CNTN4: variants seen among roughly 807,000 people sequenced by gnomAD.
CNTN4 encodes the protein contactin 4, also known as contactin-4.
In CNTN4, 77 loss-of-function variants were observed where a neutral mutation model predicts 122.5. That is an observed-to-expected ratio of 0.63 (90% confidence interval 0.52 to 0.76). The LOEUF (loss-of-function observed/expected upper bound fraction) is 0.76, where lower values mean the gene tolerates loss of function less well. Ranked by LOEUF, CNTN4 falls within the 30% of genes least tolerant of loss-of-function variation. The probability of loss-of-function intolerance (pLI) is 0.00; values close to 1 mark genes in which losing one functional copy is unlikely to be tolerated. For missense variants in CNTN4, 1,256 were observed against 1,259.1 expected (o/e 1.00, Z 0.04); for synonymous variants, 512 against 447.0 (o/e 1.15, Z -1.83).
At chr3:2,829,028 C>T (rs1451742315) in intron 7 of CNTN4, among the ~76,000 whole-genome samples, 4 of 152,104 alleles carry the variant, frequency 2.6e-5, no homozygotes, top group East Asian at 1.9e-4. Flanking sequence ...CATGAGCCAC[C>T]GTGCCCATCC....
intron 3 of CNTN4, among the ~76,000 whole-genome samples, chr3:2,548,804 A>G (rs1170721390): frequency 6.6e-6 from 1 of 152,144 alleles, no homozygotes; most frequent in African/African-American, 2.4e-5. Context: ...CTTCCTATCC[A>G]TGAGCATGGA....
intron 4 of CNTN4, among the ~76,000 whole-genome samples, chr3:2,618,241 G>C (rs1291144948): frequency 2.7e-5 from 3 of 109,640 alleles, no homozygotes; most frequent in South Asian, 2.7e-4. Context: ...AATTAAATGT[G>C]GGTATATATA....
chr3:2,314,948 T>C (rs1348975521), intron 2 of CNTN4, among the ~76,000 whole-genome samples: 1 of 152,036 alleles, frequency 6.6e-6, no homozygotes, highest in Admixed American at 6.6e-5. Context: ...GGTATCAAAT[T>C]GGTAAACAGG....
At chr3:2,423,753 A>T (rs1227165441) in intron 3 of CNTN4, among the ~76,000 whole-genome samples, 4 of 151,956 alleles carry the variant, frequency 2.6e-5, no homozygotes, top group Non-Finnish European at 5.9e-5. Context: ...CTCTTTTAAT[A>T]CCCTGTTAAT....
chr3:2,695,496 G>T (rs1273226055), intron 4 of CNTN4, among the ~76,000 whole-genome samples: 1 of 152,178 alleles, frequency 6.6e-6, no homozygotes, highest in Non-Finnish European at 1.5e-5. Context: ...ATTGCTGTTT[G>T]TTTTTTCTTA....
chr3:2,613,876 A>T (rs1264843682), intron 4 of CNTN4, among the ~76,000 whole-genome samples: 1 of 152,158 alleles, frequency 6.6e-6, no homozygotes, highest in Admixed American at 6.5e-5. Context: ...TTCCACATTG[A>T]ATAAACCTCA....
intron 2 of CNTN4, among the ~76,000 whole-genome samples, chr3:2,249,887 T>C (rs1033429900): frequency 2.6e-5 from 4 of 151,888 alleles, no homozygotes; most frequent in African/African-American, 9.7e-5. Flanking sequence ...GATTTTAGAT[T>C]TTTTTCAAGA....
intron 11 of CNTN4, among the ~76,000 whole-genome samples, chr3:2,901,155 G>A (rs1398237731): frequency 2.6e-5 from 4 of 152,142 alleles, no homozygotes; most frequent in Non-Finnish European, 5.9e-5. Flanking sequence ...TACAAGAGAA[G>A]GGGCATTGAC....
At chr3:2,876,889 ACTT>A in intron 8 of CNTN4, among the ~76,000 whole-genome samples, 1 of 152,286 alleles carries the variant, frequency 6.6e-6, no homozygotes, top group Admixed American at 6.5e-5. Flanking sequence ...GTTAGGTGGA[ACTT>A]CTTGCTTTTG....
chr3:2,569,089 T>A (rs1025309451), intron 3 of CNTN4, among the ~76,000 whole-genome samples: 2 of 152,210 alleles, frequency 1.3e-5, no homozygotes, highest in Admixed American at 1.3e-4. Flanking sequence ...GAAGAGTATC[T>A]GAACATATCC....
At chr3:2,171,482 A>G (rs1025072994) in intron 2 of CNTN4, among the ~76,000 whole-genome samples, 2 of 152,226 alleles carry the variant, frequency 1.3e-5, no homozygotes, top group African/African-American at 4.8e-5. Context: ...GAGATTTTTA[A>G]CTTTATTTTT....
intron 3 of CNTN4, among the ~76,000 whole-genome samples, chr3:2,437,465 A>C (rs2048295537): frequency 6.6e-6 from 1 of 152,206 alleles, no homozygotes; most frequent in South Asian, 2.1e-4. Flanking sequence ...TGAAATTTAA[A>C]ACATATAATT....
At chr3:2,444,979 C>T (rs1452599969) in intron 3 of CNTN4, among the ~76,000 whole-genome samples, 1 of 151,712 alleles carries the variant, frequency 6.6e-6, no homozygotes, top group Admixed American at 6.6e-5. Context: ...CCGCATCCCC[C>T]CACCCCACTT....
intron 4 of CNTN4, among the ~76,000 whole-genome samples, chr3:2,641,486 A>G (rs1358070697): frequency 1.3e-5 from 2 of 152,168 alleles, no homozygotes; most frequent in African/African-American, 4.8e-5. Context: ...TAAGTCAACT[A>G]AATGCAAATA....
chr3:2,699,296 A>G (rs1478301810), intron 4 of CNTN4, among the ~76,000 whole-genome samples: 1 of 152,092 alleles, frequency 6.6e-6, no homozygotes, highest in Non-Finnish European at 1.5e-5. Flanking sequence ...TGATGGTTTC[A>G]CATCTGACAG....
chr3:2,170,626 C>G (rs1405970052), intron 2 of CNTN4, among the ~76,000 whole-genome samples: 1 of 151,856 alleles, frequency 6.6e-6, no homozygotes. Flanking sequence ...AGAATAAAGG[C>G]AGAACTTAAT....
chr3:2,279,699 T>C (rs2041645006), intron 2 of CNTN4, among the ~76,000 whole-genome samples: 1 of 152,002 alleles, frequency 6.6e-6, no homozygotes, highest in African/African-American at 2.4e-5. Flanking sequence ...TTGAAAAAAA[T>C]AAGCAAGACT....
At chr3:2,340,393 T>C (rs1237797900) in intron 3 of CNTN4, among the ~76,000 whole-genome samples, 1 of 151,954 alleles carries the variant, frequency 6.6e-6, no homozygotes, top group African/African-American at 2.4e-5. Context: ...AAGATAAAAA[T>C]TATTCGGTAC....
chr3:2,419,706 C>G (rs2047546214), intron 3 of CNTN4, among the ~76,000 whole-genome samples: 1 of 152,080 alleles, frequency 6.6e-6, no homozygotes, highest in African/African-American at 2.4e-5. Context: ...GATGAGGAAG[C>G]AAAGAATATG....
Sources: gnomAD v4.1 joint callset for allele counts (sites outside exome capture counted in the v4.1 genomes callset) on GRCh38, gnomAD v4.1.1 for gene constraint, MANE v1.5 for transcripts, NCBI Gene and HGNC (gene_info 2026-07-23, HGNC 2026-07-21) for gene names.